Variants in ACAP1 observed in about 807,000 individuals in gnomAD.
ACAP1 encodes ArfGAP with coiled-coil, ankyrin repeat and PH domains 1.
A neutral mutation model predicts 98.8 loss-of-function variants in ACAP1; 45 were observed. The observed-to-expected ratio is 0.46, with a 90% CI of 0.36 to 0.58. The LOEUF (loss-of-function observed/expected upper bound fraction) is 0.58. Ranked by LOEUF, ACAP1 falls within the 20% of genes least tolerant of loss-of-function variation. The probability of loss-of-function intolerance (pLI) is 0.00; values close to 1 mark genes in which losing one functional copy is unlikely to be tolerated. For synonymous variants in ACAP1, 362 were observed against 375.3 expected (o/e 0.96, Z 0.41); for missense variants, 735 against 971.4 (o/e 0.76, Z 3.24).
intron 18 of ACAP1, 36 bp from the exon 19 acceptor site, chr17:7,349,909 C>G: frequency 2.0e-6 from 3 of 1,518,674 alleles, no homozygotes; most frequent in Non-Finnish European, 2.7e-6. Context: ...ACTAGGGATG[C>G]CACCCTCAAC....
chr17:7,350,899 C>T lies in ACAP1; in HGVS notation c.2073-51C>T, dbSNP rs779806625. On this transcript the variant is annotated intron_variant, in intron 20 of 21. Coordinates refer to ENST00000158762, the MANE Select transcript of ACAP1 (RefSeq NM_014716.4). The surrounding 1 kb of genome is among the most constrained non-coding windows in gnomAD (Gnocchi z 4.6). ...TGTTGGGATTACAGGCGTGAGCCACCGCGCCCGGCCAAAGATAGTGTCGTT... is the reference window on the plus strand; with the variant it reads ...TGTTGGGATTACAGGCGTGAGCCACTGCGCCCGGCCAAAGATAGTGTCGTT... The T allele has an allele frequency of 6.3e-7, 1 of 1,599,952 alleles. No individual in the cohort carries two copies. Among genetic ancestry groups the T allele is most frequent in the South Asian group, 1.1e-5 (1 of 90,770 alleles).
Position 7,350,433 on chromosome 17 carries a change from A to T in ACAP1, c.2072+196A>T. On this transcript the variant is annotated intron_variant, in intron 20 of 21. Transcript: ENST00000158762. This position sits in a 1 kb window ranked among gnomAD's most constrained non-coding sequence, Gnocchi z 4.6. ...TGCACTGGGACGTGGAGTAGAAGGC[A>T]GGCGGGAGGGCGGGCAGGGTGCAAG... 1.6e-4 allele frequency: 59 copies of T among 372,998 alleles called. No individual in the cohort carries two copies. Among genetic ancestry groups the T allele is most frequent in the Middle Eastern group, 9.2e-4 (1 of 1,090 alleles). The allele number at this position is 372,998 out of a possible 1,614,324, so 23.1% of individuals were successfully genotyped here. A position where few individuals can be genotyped will look rare whatever the true frequency, so the allele number is the denominator to read the frequency against.
Position 7,348,997 on chromosome 17 carries a change from C to T in ACAP1, c.1681C>T (p.Pro561Ser), listed in dbSNP as rs772607998. The T allele has an allele frequency of 1.2e-6, 2 of 1,612,318 alleles. No individual in the cohort carries two copies. Among genetic ancestry groups the T allele is most frequent in the South Asian group, 2.2e-5 (2 of 91,006 alleles). Reference protein sequence around the residue: ...RPGSLRSKPEPPSEDLGSLHP... With the variant: ...RPGSLRSKPESPSEDLGSLHP... ...ACAGAACCAAATCCCCCGAACAGAG[C>T]CCCCCTCTGAGGACCTGGGAAGCCT... The change falls in exon 18 of 22, where the codon CCC becomes TCC. Residue 561 changes from proline (P) to serine (S), a missense_variant and splice_region_variant. By Grantham distance (74) the Pro-to-Ser change is moderately conservative. Coordinates refer to ENST00000158762, the MANE Select transcript of ACAP1 (RefSeq NM_014716.4).
rs1386285057 is a variant in ACAP1 at position 7,350,294 on chromosome 17, C to T, written c.2072+57C>T. 4.8e-6 allele frequency: 7 copies of T among 1,471,604 alleles called. No homozygotes were observed. The highest frequency in any genetic ancestry group is 6.6e-6 in the Non-Finnish European group (7 of 1,064,750). The allele number at this position is 1,471,604 out of a possible 1,614,324, so 91.2% of individuals were successfully genotyped here. On this transcript the variant is annotated intron_variant, in intron 20 of 21. Coordinates refer to ENST00000158762, the MANE Select transcript of ACAP1 (RefSeq NM_014716.4). The surrounding 1 kb of genome is among the most constrained non-coding windows in gnomAD (Gnocchi z 4.6). Reference sequence around the variant, plus strand: ...TGGGACTCCCCCCACCCCCGCCCACCCACGTTCGGGCGGGCGGGCGGGGCT... The same window carrying T: ...TGGGACTCCCCCCACCCCCGCCCACTCACGTTCGGGCGGGCGGGCGGGGCT...
At chr17:7,348,262 C>T in intron 16 of ACAP1, 41 bp downstream of exon 16, 1 of 1,610,500 alleles carries the variant, frequency 6.2e-7, no homozygotes, top group Non-Finnish European at 8.5e-7. Flanking sequence ...TGGGGGACCC[C>T]TGGAGCAGAA....
rs774602741 is a variant in ACAP1 at position 7,346,811 on chromosome 17, C to T, written c.1011C>T (p.Ser337=). Reference sequence around the variant, plus strand: ...TCTCCCTCACCCTCCTACCTAGGTCCTGCCTCCTCCAGGCTGACTCAGAGC... The same window carrying T: ...TCTCCCTCACCCTCCTACCTAGGTCTTGCCTCCTCCAGGCTGACTCAGAGC... ...FCFEVVSTSK[S]CLLQADSERL... Residue 337 remains serine (S), a synonymous_variant, in exon 13 of 22, where the codon TCC becomes TCT. Transcript: ENST00000158762. 6.2e-6 allele frequency: 10 copies of T among 1,612,180 alleles called. No homozygotes were observed. In the South Asian group the frequency reaches 9.9e-5, roughly 16 times the overall value.
chr17:7,346,296 G>A lies in ACAP1; in HGVS notation c.906+1G>A. 6.2e-7 allele frequency: 1 copy of A among 1,614,208 alleles called. No individual in the cohort carries two copies. ...ACTGGTTTACCAGAAGAAGTACAAG[G>A]TGAGTGGACCTGGGTCCTGGATGCC... On this transcript the variant is annotated splice_donor_variant, in intron 11 of 21. Transcript: ENST00000158762. LOFTEE classifies it high-confidence loss of function.
Position 7,349,136 on chromosome 17 carries a change from A to G in ACAP1, c.1820A>G (p.Asn607Ser), listed in dbSNP as rs1429988416. Residue 607 changes from asparagine to serine, a missense_variant, in exon 18 of 22, where the codon AAT becomes AGT. Asn to Ser is a conservative substitution (Grantham distance 46). Coordinates refer to ENST00000158762, the MANE Select transcript of ACAP1 (RefSeq NM_014716.4). ...AACTGGGTCAATGGGGGCCAAGATA[A>G]TGCCACACCGCTGATCCAGGCCACA... ...DVNWVNGGQD[N>S]ATPLIQATAA... 1 of 1,613,698 alleles carries G rather than the reference A, an allele frequency of 6.2e-7. No individual in the cohort carries two copies. Among genetic ancestry groups the G allele is most frequent in the Non-Finnish European group, 8.5e-7 (1 of 1,179,974 alleles).
In ACAP1 at chr17:7,350,017, G is replaced by C; in HGVS notation, c.1924G>C (p.Gly642Arg). Reference protein sequence around the residue: ...NVNQADSAGRGPLHHATILGH... With the variant: ...NVNQADSAGRRPLHHATILGH... ...GAACCAAGCGGACAGTGCGGGCCGG[G>C]GCCCGCTGCACCACGCAACCATTCT... is the stretch of plus-strand genomic sequence containing the variant. Residue 642 changes from glycine to arginine, a missense_variant, in exon 19 of 22, where the codon GGC becomes CGC. By Grantham distance (125) the Gly-to-Arg change is moderately radical. This residue lies in a region of ACAP1 where 142 missense variants were observed against 224.1 expected (regional missense o/e 0.63). Coordinates refer to ENST00000158762, the MANE Select transcript of ACAP1 (RefSeq NM_014716.4). This position sits in a 1 kb window ranked among gnomAD's most constrained non-coding sequence, Gnocchi z 4.6. 1 of 1,613,576 alleles carries C rather than the reference G, an allele frequency of 6.2e-7. No homozygotes were observed.
At chr17:7,336,864 C>G in intron 1 of ACAP1, 77 bp downstream of exon 1, 1 of 1,516,414 alleles carries the variant, frequency 6.6e-7, no homozygotes. Flanking sequence ...TTCCCCAGGC[C>G]AGGTCTCCTT....
Position 7,336,573 on chromosome 17 carries a change from C to T in ACAP1, c.-162C>T. The T allele has an allele frequency of 4.2e-6, 3 of 710,876 alleles. No homozygotes were observed. Among genetic ancestry groups the T allele is most frequent in the Admixed American group, 2.2e-5 (1 of 46,504 alleles). The allele number at this position is 710,876 out of a possible 1,614,324, so 44.0% of individuals were successfully genotyped here. ...GGGTGAGAGCTCCTCCTAGGACACC[C>T]CTTTCCCCTTGGGGAAAGAATTGTG... On this transcript the variant is annotated 5_prime_UTR_variant, in exon 1 of 22. Coordinates refer to ENST00000158762, the MANE Select transcript of ACAP1 (RefSeq NM_014716.4).
At chr17:7,339,117 C>A (rs1002203197) in intron 2 of ACAP1, among the ~76,000 whole-genome samples, 1 of 150,850 alleles carries the variant, frequency 6.6e-6, no homozygotes, top group Admixed American at 6.6e-5. Flanking sequence ...TGTGAAACCC[C>A]GTCTCTACTA....
chr17:7,339,542 G>A (rs1239694244), intron 2 of ACAP1, among the ~76,000 whole-genome samples: 6 of 152,038 alleles, frequency 3.9e-5, no homozygotes, highest in East Asian at 1.9e-4. Flanking sequence ...CCCAGGAGGC[G>A]GAGGTTGCAG....
intron 1 of ACAP1, 114 bp downstream of exon 1, chr17:7,336,901 G>C (rs1266418912): frequency 8.3e-7 from 1 of 1,199,936 alleles, no homozygotes; most frequent in Admixed American, 2.0e-5. Flanking sequence ...TAAGAGGCAG[G>C]AGCGAGCCTG....
Position 7,342,587 on chromosome 17 carries a change from G to A in ACAP1, c.344+113G>A, listed in dbSNP as rs192196547. 1.6e-3 allele frequency: 1,953 copies of A among 1,197,074 alleles called. 49 individuals carry two copies. In the Admixed American group the frequency reaches 0.036, roughly 22 times the overall value. The allele number at this position is 1,197,074 out of a possible 1,614,324, so 74.2% of individuals were successfully genotyped here. A position where few individuals can be genotyped will look rare whatever the true frequency, so the allele number is the denominator to read the frequency against. On this transcript the variant is annotated intron_variant, in intron 5 of 21. Transcript: ENST00000158762. ...TGGACACCAACCTAGCCAACATGGC[G>A]AAACTGTCTCCACAAAAAATACAAA... is the stretch of plus-strand genomic sequence containing the variant.
At chr17:7,346,316 G>A in intron 11 of ACAP1, 21 bp downstream of exon 11, 1 of 1,614,166 alleles carries the variant, frequency 6.2e-7, no homozygotes, top group Non-Finnish European at 8.5e-7. Flanking sequence ...CTGGGTCCTG[G>A]ATGCCTGGGC....
Position 7,351,439 on chromosome 17 carries a change from C to T in ACAP1, c.*44C>T, listed in dbSNP as rs1232289754. The T allele has an allele frequency of 2.1e-6, 3 of 1,444,126 alleles. No homozygotes were observed. The highest frequency in any genetic ancestry group is 2.4e-5 in the South Asian group (2 of 84,628). The allele number at this position is 1,444,126 out of a possible 1,614,324, so 89.5% of individuals were successfully genotyped here. On this transcript the variant is annotated 3_prime_UTR_variant, in exon 22 of 22. Transcript: ENST00000158762. ...CGCGCCTGCCTCCCTTCCCCGCCAC[C>T]GGGCCCTCTGCCATTAAAGCCTCCG...
In ACAP1 at chr17:7,343,340, G is replaced by A; in HGVS notation, c.345-39G>A. ...TGGGAATGCTCTGCTGGGGCAGGTG[G>A]GTGTTAGCTGCGATTCTGTGTTATT... is the stretch of plus-strand genomic sequence containing the variant. On this transcript the variant is annotated intron_variant, in intron 5 of 21. Coordinates refer to ENST00000158762, the MANE Select transcript of ACAP1 (RefSeq NM_014716.4). The surrounding 1 kb of genome is among the most constrained non-coding windows in gnomAD (Gnocchi z 4.9). 1.9e-6 allele frequency: 3 copies of A among 1,579,118 alleles called. No individual in the cohort carries two copies. Among genetic ancestry groups the A allele is most frequent in the Non-Finnish European group, 2.6e-6 (3 of 1,158,566 alleles).
At chr17:7,347,836 C>A in intron 14 of ACAP1, 86 bp from the exon 15 acceptor site, 1 of 1,189,546 alleles carries the variant, frequency 8.4e-7, no homozygotes, top group Non-Finnish European at 1.2e-6. Flanking sequence ...GCCAGCCTTG[C>A]CTCCCAGTGT....
Sources: gnomAD v4.1 joint callset for allele counts (sites outside exome capture counted in the v4.1 genomes callset) on GRCh38, gnomAD v4.1.1 for gene constraint, gnomAD v4.1.1 regional missense constraint, Gnocchi (gnomAD v3.1) non-coding constraint, MANE v1.5 for transcripts, NCBI Gene and HGNC (gene_info 2026-07-23, HGNC 2026-07-21) for gene names.